The following ASB7 variants were observed in gnomAD, a reference collection of about 807,000 sequenced individuals.
The protein encoded by ASB7 is ankyrin repeat and SOCS box containing 7, also known as ankyrin repeat and SOCS box protein 7.
A neutral mutation model predicts 32.5 loss-of-function variants in ASB7; 4 were observed. That is an observed-to-expected ratio of 0.12 (90% CI 0.06 to 0.28). ASB7 has a LOEUF of 0.28. Ranked by LOEUF, ASB7 falls within the 10% of genes least tolerant of loss-of-function variation. The pLI is 1.00. For synonymous variants in ASB7, 172 were observed against 155.6 expected (o/e 1.11, Z -0.78); for missense variants, 181 against 407.1 (o/e 0.44, Z 4.78).
chr15:100,634,152 G>A (rs1416839711), intron 5 of ASB7, among the ~76,000 whole-genome samples: 1 of 152,190 alleles, frequency 6.6e-6, no homozygotes, highest in Non-Finnish European at 1.5e-5. Flanking sequence ...CAGATAGTGA[G>A]TTACTGAGTT....
chr15:100,640,802 A>G (rs962491147), intron 5 of ASB7, among the ~76,000 whole-genome samples: 1 of 152,180 alleles, frequency 6.6e-6, no homozygotes, highest in African/African-American at 2.4e-5. Context: ...TTAATTTTCT[A>G]AATTATGCCG....
chr15:100,644,809 C>T (rs1027213181), intron 5 of ASB7, among the ~76,000 whole-genome samples: 1 of 140,564 alleles, frequency 7.1e-6, no homozygotes, highest in African/African-American at 2.8e-5. Flanking sequence ...GAGACATAAT[C>T]TTCCCAAGAG....
At chr15:100,632,323 T>C (rs909942162) in intron 5 of ASB7, among the ~76,000 whole-genome samples, 2 of 152,212 alleles carry the variant, frequency 1.3e-5, no homozygotes, top group Non-Finnish European at 2.9e-5. Flanking sequence ...CCTCCGTCTG[T>C]TAAGGCTCCA....
chr15:100,622,724 T>C (rs1275399859), intron 4 of ASB7, among the ~76,000 whole-genome samples: 1 of 152,192 alleles, frequency 6.6e-6, no homozygotes, highest in Non-Finnish European at 1.5e-5. Flanking sequence ...CTGGGAAAAC[T>C]GGATATCCAT....
intron 2 of ASB7, among the ~76,000 whole-genome samples, chr15:100,605,517 G>A (rs2039636538): frequency 1.3e-5 from 2 of 152,136 alleles, no homozygotes; most frequent in South Asian, 4.1e-4. Context: ...TTAATACTAT[G>A]ACACATACAG....
intron 2 of ASB7, among the ~76,000 whole-genome samples, chr15:100,606,301 G>A (rs1252453840): frequency 6.6e-6 from 1 of 152,004 alleles, no homozygotes; most frequent in Non-Finnish European, 1.5e-5. Context: ...CTTTCTTTGA[G>A]TAATAAGCCA....
intron 2 of ASB7, among the ~76,000 whole-genome samples, chr15:100,606,738 G>C (rs143696252): frequency 6.6e-6 from 1 of 151,974 alleles, no homozygotes; most frequent in African/African-American, 2.4e-5. Context: ...AGTCTTCCTT[G>C]TTTGTTTGCT....
intron 5 of ASB7, among the ~76,000 whole-genome samples, chr15:100,643,376 TAGG>T (rs1258243400): frequency 6.6e-6 from 1 of 151,520 alleles, no homozygotes; most frequent in Non-Finnish European, 1.5e-5. Context: ...GCATGAGAGA[TAGG>T]AGGTAATGTG....
intron 4 of ASB7, among the ~76,000 whole-genome samples, chr15:100,626,637 C>G (rs2039841032): frequency 6.6e-6 from 1 of 152,130 alleles, no homozygotes; most frequent in Non-Finnish European, 1.5e-5. Flanking sequence ...CTCTGTCTCT[C>G]TCTCTCTCTG....
intron 5 of ASB7, among the ~76,000 whole-genome samples, chr15:100,631,356 G>C (rs2039882318): frequency 6.6e-6 from 1 of 152,184 alleles, no homozygotes; most frequent in Non-Finnish European, 1.5e-5. Context: ...GTGCCTGGTG[G>C]TTCCTTTGTT....
At chr15:100,646,423 T>C (rs375723390) in intron 5 of ASB7, 10 of 425,910 alleles carry the variant, frequency 2.3e-5, no homozygotes, top group South Asian at 1.3e-4. Flanking sequence ...CACAACTTCT[T>C]TTAAGGAGGT....
chr15:100,648,383 A>G lies in ASB7; in HGVS notation c.878A>G (p.Gln293Arg), dbSNP rs375149482. Residue 293 changes from glutamine to arginine, a missense_variant, in exon 6 of 6, where the codon CAA (glutamine) becomes CGA (arginine). Transcript: ENST00000332783. The part of the protein sequence containing the change: ...RIKIRQCIGL[Q>R]NLKLLDELPI... ...AAAATTCGACAATGTATAGGCCTTC[A>G]AAACCTAAAGCTACTTGATGAACTA... 6 of 1,611,476 alleles carry G rather than the reference A, an allele frequency of 3.7e-6. No homozygotes were observed. In the African/African-American group the frequency reaches 8.0e-5, roughly 22 times the overall value.
rs1281226737 is a variant in ASB7, at chr15:100,602,860, C to T, written c.-459C>T. The T allele has an allele frequency of 1.0e-5, 4 of 395,296 alleles. No homozygotes were observed. The highest frequency in any genetic ancestry group is 8.8e-5 in the Admixed American group (2 of 22,618). The allele number at this position is 395,296 out of a possible 1,614,324, so 24.5% of individuals were successfully genotyped here. A position where few individuals can be genotyped will look rare whatever the true frequency, so the allele number is the denominator to read the frequency against. On this transcript the variant is annotated 5_prime_UTR_variant, in exon 1 of 6. Coordinates refer to ENST00000332783, the MANE Select transcript of ASB7 (RefSeq NM_198243.3). ...CCTGCACCTCTGCCCCAAGGCTGCC[C>T]GGCGGCCGGGATCGCCACCTCCTGC...
intron 3 of ASB7, among the ~76,000 whole-genome samples, chr15:100,610,736 C>T (rs993617978): frequency 6.6e-6 from 1 of 152,080 alleles, no homozygotes; most frequent in Non-Finnish European, 1.5e-5. Flanking sequence ...GCAAGATAAA[C>T]GATTGTTGGT....
At chr15:100,645,185 C>T (rs1430617692) in intron 5 of ASB7, among the ~76,000 whole-genome samples, 1 of 151,950 alleles carries the variant, frequency 6.6e-6, no homozygotes, top group African/African-American at 2.4e-5. Context: ...TGATTTCTTC[C>T]CTTTTTTTCT....
chr15:100,614,693 G>T (rs1380863125), intron 4 of ASB7, among the ~76,000 whole-genome samples: 2 of 142,272 alleles, frequency 1.4e-5, no homozygotes, highest in East Asian at 4.3e-4. Flanking sequence ...AAGAAGAATT[G>T]TCTTGGGCCA....
intron 5 of ASB7, among the ~76,000 whole-genome samples, chr15:100,641,760 C>A (rs2039962956): frequency 6.6e-6 from 1 of 152,228 alleles, no homozygotes; most frequent in South Asian, 2.1e-4. Context: ...TTTTTGGTAA[C>A]CAGAAGCAAA....
intron 5 of ASB7, among the ~76,000 whole-genome samples, chr15:100,637,006 C>G (rs571026921): frequency 6.6e-6 from 1 of 152,242 alleles, no homozygotes; most frequent in East Asian, 1.9e-4. Context: ...CCGCCAGACA[C>G]TCTCAGGAAA....
intron 4 of ASB7, among the ~76,000 whole-genome samples, chr15:100,620,531 CA>C (rs2039782045): frequency 1.2e-5 from 1 of 81,522 alleles, no homozygotes; most frequent in African/African-American, 3.1e-5. Flanking sequence ...CATATAATAG[CA>C]CATCTGTACA....
Sources: gnomAD v4.1 joint callset for allele counts (sites outside exome capture counted in the v4.1 genomes callset) on GRCh38, gnomAD v4.1.1 for gene constraint, MANE v1.5 for transcripts, NCBI Gene and HGNC (gene_info 2026-07-23, HGNC 2026-07-21) for gene names.